CHD8: variants seen among roughly 807,000 people sequenced by gnomAD.
CHD8 encodes the protein chromodomain helicase DNA binding protein 8.
CHD8 carries 31 observed loss-of-function variants against 279.2 expected under a neutral mutation model. That is an observed-to-expected ratio of 0.11 (90% confidence interval 0.08 to 0.15). The LOEUF (loss-of-function observed/expected upper bound fraction) is 0.15, where lower values mean the gene tolerates loss of function less well. Among genes scored for constraint, CHD8 ranks in the 10% least tolerant of loss-of-function variants. The pLI, the probability that CHD8 is intolerant of heterozygous loss-of-function variation, is 1.00. For missense variants in CHD8, 2,146 were observed against 3,230.5 expected (o/e 0.66, Z 8.14); for synonymous variants, 1,081 against 1,139.6 (o/e 0.95, Z 1.04).
intron 5 of CHD8, among the ~76,000 whole-genome samples, chr14:21,417,625 C>T (rs1427686604): frequency 1.3e-5 from 2 of 151,750 alleles, no homozygotes; most frequent in East Asian, 1.9e-4. Context: ...GAGGCCGAGG[C>T]AGGCGCATCA....
intron 2 of CHD8, chr14:21,430,408 A>G (rs1227983138): frequency 5.9e-6 from 1 of 169,252 alleles, no homozygotes; most frequent in Non-Finnish European, 1.3e-5. Context: ...CAAGTCTTGC[A>G]AATATAAAGA....
At chr14:21,389,639 C>T (rs1005510534) in intron 37 of CHD8, among the ~76,000 whole-genome samples, 1 of 152,026 alleles carries the variant, frequency 6.6e-6, no homozygotes, top group African/African-American at 2.4e-5. Flanking sequence ...AAAACAAATA[C>T]AACTATTGCA....
At position 21,394,135 on chromosome 14, in the gene CHD8, AGAGTCCGTGAGGCTCTCTC is replaced by A; in HGVS notation, c.5641_5659del (p.Glu1881SerfsTer4). 6.2e-7 allele frequency: 1 copy of A among 1,611,300 alleles called. No individual in the cohort carries two copies. Among genetic ancestry groups the A allele is most frequent in the Non-Finnish European group, 8.5e-7 (1 of 1,178,192 alleles). On this transcript the variant is annotated frameshift_variant, in exon 32 of 38. Transcript: ENST00000646647. LOFTEE classifies it high-confidence loss of function. ...GCGCCGAAGCAATTCTATACGGTAG[AGAGTCCGTGAGGCTCTCTC>A]CTCAGTGATGGGCTCAATGAACAGG... is the stretch of plus-strand genomic sequence containing the variant.
At chr14:21,404,658 G>A (rs372681044) in intron 16 of CHD8, among the ~76,000 whole-genome samples, 1 of 152,106 alleles carries the variant, frequency 6.6e-6, no homozygotes, top group East Asian at 1.9e-4. Context: ...GGGCTCAACC[G>A]ATCTTCCTGC....
At chr14:21,430,659 T>G (rs1380424015) in intron 2 of CHD8, 142 bp downstream of exon 2, 3 of 612,104 alleles carry the variant, frequency 4.9e-6, no homozygotes, top group Non-Finnish European at 8.6e-6. Flanking sequence ...ACTAAGTATG[T>G]GGCTGTCACA....
intron 27 of CHD8, among the ~76,000 whole-genome samples, chr14:21,396,124 G>A (rs1340437793): frequency 6.6e-6 from 1 of 152,052 alleles, no homozygotes; most frequent in East Asian, 1.9e-4. Context: ...AGCCTCCTGA[G>A]TAGCTGGGAC....
intron 1 of CHD8, chr14:21,437,427 T>G: frequency 8.4e-6 from 2 of 236,982 alleles, no homozygotes; most frequent in South Asian, 7.9e-5. Flanking sequence ...GAGAGGCCTA[T>G]CCGGTTTCTA....
intron 1 of CHD8, among the ~76,000 whole-genome samples, chr14:21,451,496 C>T (rs139898966): frequency 7.3e-6 from 1 of 137,208 alleles, no homozygotes; most frequent in Non-Finnish European, 1.5e-5. Flanking sequence ...CACCTGAACC[C>T]GGGAGGCGGA....
At chr14:21,428,937 C>T (rs1218001841) in intron 3 of CHD8, 27 bp downstream of exon 3, 1 of 1,609,520 alleles carries the variant, frequency 6.2e-7, no homozygotes, top group Non-Finnish European at 8.5e-7. Flanking sequence ...TGTTTTCTTT[C>T]TTTTCCTTAC....
At chr14:21,394,770 A>T in intron 30 of CHD8, 142 bp downstream of exon 30, 1 of 844,218 alleles carries the variant, frequency 1.2e-6, no homozygotes. Flanking sequence ...GTGAGGTTTT[A>T]ATTTCTACAG....
At chr14:21,436,237 T>C (rs1889776117) in intron 1 of CHD8, among the ~76,000 whole-genome samples, 1 of 152,316 alleles carries the variant, frequency 6.6e-6, no homozygotes, top group South Asian at 2.1e-4. Context: ...CTGTATCCTT[T>C]CAAGAAGATC....
intron 28 of CHD8, 159 bp from the exon 29 acceptor site, chr14:21,395,511 A>G (rs888044638): frequency 6.5e-6 from 4 of 614,708 alleles, no homozygotes; most frequent in Admixed American, 3.0e-5. Flanking sequence ...GAAACAATCA[A>G]CTAAAAGAAC....
intron 7 of CHD8, chr14:21,415,275 A>G (rs1888663477): frequency 5.0e-6 from 2 of 401,488 alleles, no homozygotes; most frequent in Non-Finnish European, 8.7e-6. Flanking sequence ...CACCTTAGCA[A>G]TATATCTGAC....
At chr14:21,437,297 C>G in intron 1 of CHD8, 1 of 1,131,784 alleles carries the variant, frequency 8.8e-7, no homozygotes, top group Non-Finnish European at 1.1e-6. Flanking sequence ...CCGCCCCGCG[C>G]CATCATTGGC....
intron 5 of CHD8, among the ~76,000 whole-genome samples, chr14:21,424,030 A>T (rs1889179042): frequency 6.6e-6 from 1 of 152,186 alleles, no homozygotes; most frequent in African/African-American, 2.4e-5. Flanking sequence ...CATAATTTTT[A>T]TATTATCAAG....
intron 1 of CHD8, among the ~76,000 whole-genome samples, chr14:21,445,082 G>T (rs112730374): frequency 6.6e-6 from 1 of 152,012 alleles, no homozygotes; most frequent in African/African-American, 2.4e-5. Context: ...CTTACTACCC[G>T]TACCCAGTAT....
chr14:21,430,551 G>T (rs1478807501), intron 2 of CHD8: 2 of 441,614 alleles, frequency 4.5e-6, no homozygotes, highest in African/African-American at 3.9e-5. Flanking sequence ...TAAGGACAGG[G>T]ACTGTGTTTG....
At chr14:21,439,026 G>A (rs558464115) in intron 1 of CHD8, among the ~76,000 whole-genome samples, 1 of 151,736 alleles carries the variant, frequency 6.6e-6, no homozygotes, top group African/African-American at 2.4e-5. Context: ...ACTGGGGAGG[G>A]TGAGGCACGA....
intron 9 of CHD8, among the ~76,000 whole-genome samples, chr14:21,413,395 CTTTT>C (rs577919700): frequency 7.1e-6 from 1 of 141,278 alleles, no homozygotes; most frequent in Non-Finnish European, 1.6e-5. Context: ...ATACCTAAAC[CTTTT>C]TTTTTTTTTT....
Sources: gnomAD v4.1 joint callset for allele counts (sites outside exome capture counted in the v4.1 genomes callset) on GRCh38, gnomAD v4.1.1 for gene constraint, MANE v1.5 for transcripts, NCBI Gene and HGNC (gene_info 2026-07-23, HGNC 2026-07-21) for gene names.